The following SND1 variants were observed in gnomAD, a reference collection of about 807,000 sequenced individuals.
SND1 encodes staphylococcal nuclease and tudor domain containing 1.
A neutral mutation model predicts 121.7 loss-of-function variants in SND1; 38 were observed. That is an observed-to-expected ratio of 0.31 (90% CI 0.24 to 0.41). The LOEUF (loss-of-function observed/expected upper bound fraction) is 0.41. SND1 is among the 10% of genes least tolerant of loss of function. The pLI, the probability that SND1 is intolerant of heterozygous loss-of-function variation, is 1.00. For synonymous variants in SND1, 401 were observed against 447.4 expected, an observed-to-expected ratio of 0.90 and a Z score of 1.31; for missense variants, 868 against 1,184.6, an observed-to-expected ratio of 0.73 and a Z score of 3.92.
chr7:128,033,911 C>T (rs1295697542), intron 16 of SND1, among the ~76,000 whole-genome samples: 2 of 152,210 alleles, frequency 1.3e-5, no homozygotes, highest in African/African-American at 2.4e-5. Flanking sequence ...TAGTCATTTA[C>T]TGGGATGCTT....
At chr7:127,839,466 A>T (rs1234308526) in intron 11 of SND1, among the ~76,000 whole-genome samples, 1 of 152,086 alleles carries the variant, frequency 6.6e-6, no homozygotes, top group African/African-American at 2.4e-5. Context: ...TTTTATGCTT[A>T]GGTAGTTCAC....
At chr7:128,081,669 C>T (rs1216153483) in intron 18 of SND1, among the ~76,000 whole-genome samples, 168 bp downstream of exon 18, 1 of 152,254 alleles carries the variant, frequency 6.6e-6, no homozygotes, top group Non-Finnish European at 1.5e-5. Flanking sequence ...TGTCCCACTG[C>T]TCCTCTGGGC....
chr7:127,924,226 T>G (rs1310598515), intron 14 of SND1, among the ~76,000 whole-genome samples: 1 of 152,130 alleles, frequency 6.6e-6, no homozygotes, highest in Non-Finnish European at 1.5e-5. Flanking sequence ...TAGCTGTTTC[T>G]CAAGTGCTGG....
intron 10 of SND1, among the ~76,000 whole-genome samples, chr7:127,762,668 C>G (rs1211098930): frequency 6.6e-6 from 1 of 152,198 alleles, no homozygotes; most frequent in Non-Finnish European, 1.5e-5. Context: ...TTGCCCTCAT[C>G]TTTATCTCTG....
At chr7:127,860,856 T>C (rs1799364304) in intron 12 of SND1, among the ~76,000 whole-genome samples, 1 of 152,204 alleles carries the variant, frequency 6.6e-6, no homozygotes, top group Admixed American at 6.5e-5. Context: ...TTTTTCAGGC[T>C]CAATGTCAGT....
intron 16 of SND1, chr7:127,997,660 G>C (rs1301658633): frequency 2.0e-6 from 1 of 512,132 alleles, no homozygotes; most frequent in Admixed American, 2.0e-5. Context: ...TCTTATCTCA[G>C]TTTACATATA....
intron 16 of SND1, chr7:128,042,490 C>T (rs1413659883): frequency 6.6e-6 from 1 of 152,342 alleles, no homozygotes; most frequent in Non-Finnish European, 1.5e-5. Context: ...GGGAGATGAA[C>T]ATGAACAGAC....
At chr7:127,764,046 A>AC (rs1554422838) in intron 10 of SND1, among the ~76,000 whole-genome samples, 4 of 145,354 alleles carry the variant, frequency 2.8e-5, no homozygotes, top group Admixed American at 7.2e-5. Flanking sequence ...CGCAAAAAAA[A>AC]AAAAAACAAA....
At chr7:127,942,312 G>A (rs1801230852) in intron 15 of SND1, among the ~76,000 whole-genome samples, 1 of 152,150 alleles carries the variant, frequency 6.6e-6, no homozygotes, top group Admixed American at 6.5e-5. Context: ...TTAATATTGA[G>A]TGTAAAATAC....
chr7:127,764,172 G>A (rs191608291), intron 10 of SND1, among the ~76,000 whole-genome samples: 10 of 152,032 alleles, frequency 6.6e-5, no homozygotes, highest in Non-Finnish European at 1.5e-5. Context: ...GGGATAGTAT[G>A]TAATTCTAAA....
At position 127,991,044 on chromosome 7, in the gene SND1, G is replaced by A. The variant is rs1012336346; in HGVS notation, c.1767G>A (p.Val589=). Residue 589 remains valine (V), a synonymous_variant, in exon 16 of 24, where the codon GTG becomes GTA. Transcript: ENST00000354725. ...EEATLFTKEL[V]LQREVEVEVE... ...CTACACTTTTCACCAAGGAACTGGT[G>A]CTGCAGCGAGAGGTAGGACATCTTC... 6.2e-7 allele frequency: 1 copy of A among 1,613,084 alleles called. No homozygotes were observed. Among genetic ancestry groups the A allele is most frequent in the South Asian group, 1.1e-5 (1 of 90,998 alleles).
chr7:127,961,509 A>C (rs1185419893), intron 15 of SND1, among the ~76,000 whole-genome samples: 6 of 152,248 alleles, frequency 3.9e-5, no homozygotes, highest in Non-Finnish European at 8.8e-5. Flanking sequence ...ACTGTAAAAA[A>C]CACGTGCAAA....
intron 13 of SND1, among the ~76,000 whole-genome samples, chr7:127,890,209 T>C (rs1235942638): frequency 2.0e-5 from 3 of 152,252 alleles, no homozygotes; most frequent in Middle Eastern, 3.4e-3. Flanking sequence ...CTTTTGGATA[T>C]AAGCCATTTT....
intron 14 of SND1, among the ~76,000 whole-genome samples, chr7:127,918,487 A>G (rs747876966): frequency 6.6e-6 from 1 of 152,182 alleles, no homozygotes. Flanking sequence ...AATTATCTGT[A>G]CTACTAACTC....
At chr7:127,909,450 ATT>A (rs533026171) in intron 14 of SND1, among the ~76,000 whole-genome samples, 6 of 140,362 alleles carry the variant, frequency 4.3e-5, no homozygotes, top group South Asian at 2.3e-4. Context: ...AGTATTTCTG[ATT>A]TTTTTTTTTT....
intron 10 of SND1, among the ~76,000 whole-genome samples, chr7:127,726,256 C>T (rs371739968): frequency 1.1e-4 from 17 of 152,202 alleles, no homozygotes; most frequent in African/African-American, 4.1e-4. Context: ...TAGTGTTATG[C>T]GAGAGTTAAA....
chr7:127,731,447 C>T (rs1317458806), intron 10 of SND1, among the ~76,000 whole-genome samples: 9 of 152,228 alleles, frequency 5.9e-5, no homozygotes, highest in Non-Finnish European at 7.3e-5. Context: ...GCCGGCTCAA[C>T]GTTTTCCTCA....
intron 15 of SND1, among the ~76,000 whole-genome samples, chr7:127,943,765 C>T (rs766608224): frequency 2.6e-5 from 4 of 152,156 alleles, no homozygotes; most frequent in African/African-American, 7.2e-5. Flanking sequence ...AGATGGCACT[C>T]GGCACATTCA....
rs962943184 is a variant in SND1, at chr7:128,043,321, A to G, written c.1780-31181A>G. Reference sequence around the variant, plus strand: ...TTTTGAATTTAGTCCATCATAAATAATATACATGTAATAAGGCCAAGGCAG... The same window carrying G: ...TTTTGAATTTAGTCCATCATAAATAGTATACATGTAATAAGGCCAAGGCAG... On this transcript the variant is annotated intron_variant, in intron 16 of 23. Coordinates refer to ENST00000354725, the MANE Select transcript of SND1 (RefSeq NM_014390.4). Among the ~76,000 whole-genome samples, 6 of 152,290 alleles carry G rather than the reference A, an allele frequency of 3.9e-5. No individual in the cohort carries two copies. The East Asian group carries it at 1.2e-3, about 29-fold the overall frequency.
Sources: gnomAD v4.1 joint callset for allele counts (sites outside exome capture counted in the v4.1 genomes callset) on GRCh38, gnomAD v4.1.1 for gene constraint, MANE v1.5 for transcripts, NCBI Gene and HGNC (gene_info 2026-07-23, HGNC 2026-07-21) for gene names.